C9orf57: variants seen among roughly 807,000 people sequenced by gnomAD.
C9orf57 encodes the protein chromosome 9 open reading frame 57, also known as uncharacterized protein C9orf57.
In C9orf57, 12 loss-of-function variants were observed where a neutral mutation model predicts 12.9. That is an observed-to-expected ratio of 0.93 (90% CI 0.60 to 1.51). C9orf57 has a LOEUF of 1.51. C9orf57 is among the 40% of genes most tolerant of loss of function. The probability of loss-of-function intolerance (pLI) is 0.00; values close to 1 mark genes in which losing one functional copy is unlikely to be tolerated. For missense variants in C9orf57, 141 were observed against 162.8 expected, an observed-to-expected ratio of 0.87 and a Z score of 0.73; for synonymous variants, 49 against 57.1, an observed-to-expected ratio of 0.86 and a Z score of 0.64.
In C9orf57 at chr9:72,052,273, C is replaced by T. The variant is rs1302603649; in HGVS notation, c.*23G>A. 2 of 1,550,522 alleles carry T rather than the reference C, an allele frequency of 1.3e-6. No homozygotes were observed. The highest frequency in any genetic ancestry group is 2.4e-5 in the South Asian group (2 of 83,888). On this transcript the variant is annotated 3_prime_UTR_variant, in exon 5 of 5. Transcript: ENST00000651200. ...CTTCGAGACTGATTGATCTGCCAAG[C>T]ATTTTAGATATGGGCCACTGACTCA... is the stretch of plus-strand genomic sequence containing the variant.
chr9:72,053,925 T>C (rs986482858), intron 4 of C9orf57, among the ~76,000 whole-genome samples: 2 of 152,220 alleles, frequency 1.3e-5, no homozygotes, highest in African/African-American at 2.4e-5. Flanking sequence ...ATTTTGAGTG[T>C]TGCATAGCAC....
chr9:72,058,809 CTT>C (rs1824262523), intron 2 of C9orf57, among the ~76,000 whole-genome samples: 1 of 152,192 alleles, frequency 6.6e-6, no homozygotes, highest in Non-Finnish European at 1.5e-5. Flanking sequence ...TCTAAAGACA[CTT>C]GGGAAATTTC....
intron 4 of C9orf57, among the ~76,000 whole-genome samples, chr9:72,054,751 T>C (rs1490346141): frequency 2.0e-5 from 3 of 152,022 alleles, no homozygotes; most frequent in Non-Finnish European, 1.5e-5. Context: ...GTTTTTGAAG[T>C]TTTTTATTCT....
chr9:72,054,473 C>G (rs1245564181), intron 4 of C9orf57, among the ~76,000 whole-genome samples: 1 of 152,190 alleles, frequency 6.6e-6, no homozygotes, highest in Non-Finnish European at 1.5e-5. Flanking sequence ...TAAAAAGATG[C>G]TGAACCAATC....
chr9:72,060,378 A>T, intron 1 of C9orf57, 119 bp downstream of exon 1: 1 of 652,552 alleles, frequency 1.5e-6, no homozygotes, highest in South Asian at 1.8e-5. Context: ...ACTGCAAAAG[A>T]CCTTATTTAT....
intron 3 of C9orf57, among the ~76,000 whole-genome samples, chr9:72,056,442 A>G (rs1824204518): frequency 6.6e-6 from 1 of 151,560 alleles, no homozygotes; most frequent in African/African-American, 2.4e-5. Flanking sequence ...GGGCTCTGAA[A>G]ATTGTGTATT....
intron 4 of C9orf57, among the ~76,000 whole-genome samples, chr9:72,055,274 G>A (rs1451604125): frequency 6.6e-6 from 1 of 151,104 alleles, no homozygotes; most frequent in Non-Finnish European, 1.5e-5. Flanking sequence ...ATTGTTTCCT[G>A]CCTTCCTTCC....
In C9orf57 at chr9:72,058,886, T is replaced by TA. The variant is rs544997436; in HGVS notation, c.97+348_97+349insT. ...ATAATCAATGATCAATCAACAATTT[T>TA]TTTTTTTTGAAACAGAGTTTCACTC... On this transcript the variant is annotated intron_variant, in intron 2 of 4. Transcript: ENST00000651200. 3.2e-3 allele frequency among the ~76,000 whole-genome samples: 485 copies of TA among 152,296 alleles called. 2 individuals are homozygous for TA. The highest frequency in any genetic ancestry group is 0.011 in the African/African-American group (449 of 41,570).
chr9:72,053,087 T>C (rs1824114227), intron 4 of C9orf57, among the ~76,000 whole-genome samples: 1 of 152,172 alleles, frequency 6.6e-6, no homozygotes. Context: ...GGGATGATTT[T>C]GCTCTCCCTT....
At chr9:72,055,096 T>TTA (rs1053716238) in intron 4 of C9orf57, among the ~76,000 whole-genome samples, 2 of 138,622 alleles carry the variant, frequency 1.4e-5, no homozygotes, top group African/African-American at 2.5e-5. Flanking sequence ...CGACTAATTT[T>TTA]TATATATATA....
intron 4 of C9orf57, 24 bp from the exon 5 acceptor site, chr9:72,052,459 G>T: frequency 6.5e-7 from 1 of 1,548,204 alleles, no homozygotes; most frequent in Non-Finnish European, 8.7e-7. Flanking sequence ...AAGAGGTAAG[G>T]AAATTTCTTG....
In C9orf57 at chr9:72,060,428, CT is replaced by C. The variant is rs1387753491; in HGVS notation, c.-54+68del. On this transcript the variant is annotated intron_variant, in intron 1 of 4. Transcript: ENST00000651200. The stretch of plus-strand genomic sequence containing the variant: ...ATGTGATAGTTAACGATAGTTAATA[CT>C]TATTAAAATGAAGGGAAGAAATTGT... 2.0e-5 allele frequency: 16 copies of C among 809,394 alleles called. No homozygotes were observed. In the African/African-American group the frequency reaches 2.4e-4, roughly 12 times the overall value. 50.1% of individuals were successfully genotyped at this position (809,394 alleles called of 1,614,324 possible).
At position 72,052,426 on chromosome 9, in the gene C9orf57, T is replaced by C; in HGVS notation, c.290A>G (p.Gln97Arg). ...TGTGCAGCCTTTGACTGAATACCAT[T>C]GAATGCCACCTGACGGAGAGAAAAG... ...KEEVHIQGGIQWYSVKGCTKN... is the reference protein window; with the variant it reads ...KEEVHIQGGIRWYSVKGCTKN... Residue 97 changes from glutamine to arginine, a missense_variant, in exon 5 of 5, where the codon CAA becomes CGA. Coordinates refer to ENST00000651200, the MANE Select transcript of C9orf57 (RefSeq NM_001128618.2). The C allele has an allele frequency of 6.4e-7, 1 of 1,551,934 alleles. No homozygotes were observed. The highest frequency in any genetic ancestry group is 8.7e-7 in the Non-Finnish European group (1 of 1,146,954).
At chr9:72,054,842 C>T (rs1411731851) in intron 4 of C9orf57, among the ~76,000 whole-genome samples, 2 of 149,544 alleles carry the variant, frequency 1.3e-5, no homozygotes, top group African/African-American at 4.9e-5. Context: ...AATTATCACA[C>T]ATTTTATAAA....
chr9:72,060,485 T>G lies in C9orf57; in HGVS notation c.-54+12A>C. On this transcript the variant is annotated intron_variant, in intron 1 of 4. Transcript: ENST00000651200. ...TGGGTAAAGTATAATATTTCAGTTG[T>G]TCATGACCTACCTATCTTTTTCATT... 7.7e-7 allele frequency: 1 copy of G among 1,293,150 alleles called. No homozygotes were observed. The highest frequency in any genetic ancestry group is 1.1e-6 in the Non-Finnish European group (1 of 911,600). The allele number at this position is 1,293,150 out of a possible 1,614,324, so 80.1% of individuals were successfully genotyped here. A position where few individuals can be genotyped will look rare whatever the true frequency, so the allele number is the denominator to read the frequency against.
In C9orf57 at chr9:72,055,110, T is replaced by TA. The variant is rs1589299629; in HGVS notation, c.280+963_280+964insT. Among the ~76,000 whole-genome samples the TA allele has an allele frequency of 4.8e-5, 5 of 105,216 alleles. No homozygotes were observed. The East Asian group carries it at 6.3e-4, about 13-fold the overall frequency. The allele number at this position is 105,216 out of a possible 152,430, so 69.0% of individuals were successfully genotyped here. On this transcript the variant is annotated intron_variant, in intron 4 of 4. Transcript: ENST00000651200. Reference sequence around the variant, plus strand: ...GCGACTAATTTTTATATATATATATTTTTTTTTGTAGAGACAGGGCTTCAC... The same window carrying TA: ...GCGACTAATTTTTATATATATATATTATTTTTTTGTAGAGACAGGGCTTCAC...
chr9:72,055,037 A>C (rs899730871), intron 4 of C9orf57, among the ~76,000 whole-genome samples: 3 of 148,172 alleles, frequency 2.0e-5, no homozygotes, highest in African/African-American at 7.5e-5. Flanking sequence ...TTCCTGCCTC[A>C]GCCTCCATGC....
chr9:72,056,890 A>G, intron 2 of C9orf57, 47 bp from the exon 3 acceptor site: 1 of 1,457,012 alleles, frequency 6.9e-7, no homozygotes, highest in Non-Finnish European at 9.4e-7. Context: ...ATGCTCTGCA[A>G]ATGTATACAT....
chr9:72,059,616 T>C (rs1181122398), intron 1 of C9orf57, among the ~76,000 whole-genome samples: 1 of 151,024 alleles, frequency 6.6e-6, no homozygotes, highest in Non-Finnish European at 1.5e-5. Flanking sequence ...AGGTCAGGAG[T>C]TCAAGACCAG....
Sources: allele counts gnomAD v4.1 joint callset (sites outside exome capture counted in the v4.1 genomes callset), GRCh38; gene constraint gnomAD v4.1.1; transcripts MANE v1.5; gene names NCBI Gene and HGNC (gene_info 2026-07-23, HGNC 2026-07-21).